Variants in LDLRAD3 observed in about 807,000 individuals in gnomAD.
The protein encoded by LDLRAD3 is low density lipoprotein receptor class A domain containing 3, also known as low-density lipoprotein receptor class A domain-containing protein 3.
In LDLRAD3, 20 loss-of-function variants were observed where a neutral mutation model predicts 29.4. That is an observed-to-expected ratio of 0.68 (90% confidence interval 0.48 to 0.99). The LOEUF (loss-of-function observed/expected upper bound fraction) is 0.99, where lower values mean the gene tolerates loss of function less well. LDLRAD3 is among the 50% of genes least tolerant of loss of function. LDLRAD3 has a pLI of 0.00. For synonymous variants in LDLRAD3, 157 were observed against 192.7 expected, an observed-to-expected ratio of 0.81 and a Z score of 1.53; for missense variants, 420 against 454.3, an observed-to-expected ratio of 0.92 and a Z score of 0.69.
rs558335027 is a variant in LDLRAD3 at position 35,945,537 on chromosome 11, T to A, written c.46+1393T>A. ...TAAATTAGTCCACCTGGGGAGAGAG[T>A]TCTCACAGGACATTGGGCAGCCAGG... On this transcript the variant is annotated intron_variant, in intron 1 of 5. Transcript: ENST00000315571. Among the ~76,000 whole-genome samples, 10 of 152,028 alleles carry A rather than the reference T, an allele frequency of 6.6e-5. No individual in the cohort carries two copies. In the South Asian group the frequency reaches 2.1e-3, roughly 32 times the overall value.
chr11:36,157,101 TAAGGGC>T (rs1389668678), intron 4 of LDLRAD3, among the ~76,000 whole-genome samples: 2 of 152,160 alleles, frequency 1.3e-5, no homozygotes, highest in African/African-American at 4.8e-5. Context: ...ACAATTCTAT[TAAGGGC>T]AATCTTTTGG....
intron 1 of LDLRAD3, among the ~76,000 whole-genome samples, chr11:36,029,193 C>T (rs140316901): frequency 2.0e-5 from 3 of 152,204 alleles, no homozygotes; most frequent in Middle Eastern, 3.4e-3. Flanking sequence ...TGCAGTGAGC[C>T]GAGATCGTGT....
chr11:36,036,604 C>T (rs1208561396), intron 2 of LDLRAD3, among the ~76,000 whole-genome samples: 5 of 152,122 alleles, frequency 3.3e-5, no homozygotes, highest in Admixed American at 3.3e-4. Flanking sequence ...GCAAGTGGCA[C>T]ATTGGACTTG....
intron 1 of LDLRAD3, among the ~76,000 whole-genome samples, chr11:35,957,813 AAAG>A (rs1332571377): frequency 0.015 from 2,127 of 138,462 alleles, 29 homozygotes; most frequent in East Asian, 0.025. Flanking sequence ...AAAAAAAAAA[AAAG>A]AAAAGAAAAG....
chr11:35,991,635 A>G (rs1295080100), intron 1 of LDLRAD3, among the ~76,000 whole-genome samples: 1 of 152,178 alleles, frequency 6.6e-6, no homozygotes, highest in Non-Finnish European at 1.5e-5. Flanking sequence ...CTGAAGTAGA[A>G]AATAGAAAAG....
At chr11:35,960,872 G>C (rs1851268612) in intron 1 of LDLRAD3, among the ~76,000 whole-genome samples, 1 of 152,218 alleles carries the variant, frequency 6.6e-6, no homozygotes, top group Non-Finnish European at 1.5e-5. Flanking sequence ...GGGATTACAG[G>C]CGTGAGCCAC....
intron 1 of LDLRAD3, among the ~76,000 whole-genome samples, chr11:36,014,908 C>T (rs1014060760): frequency 2.0e-5 from 3 of 152,118 alleles, no homozygotes; most frequent in Non-Finnish European, 4.4e-5. Context: ...AAGGGGGGAG[C>T]CCCCAGACGA....
chr11:36,166,239 G>T (rs978319485), intron 4 of LDLRAD3, among the ~76,000 whole-genome samples: 5 of 152,128 alleles, frequency 3.3e-5, no homozygotes, highest in Admixed American at 3.3e-4. Flanking sequence ...CATACATATG[G>T]ATCTGGAAAT....
intron 4 of LDLRAD3, among the ~76,000 whole-genome samples, chr11:36,136,913 A>T (rs980586770): frequency 1.3e-5 from 2 of 151,546 alleles, no homozygotes; most frequent in African/African-American, 4.9e-5. Context: ...TGGGTCTCAA[A>T]CTCCTGGCCT....
chr11:35,965,060 A>G (rs7104707), intron 1 of LDLRAD3, among the ~76,000 whole-genome samples: 1,907 of 152,092 alleles, frequency 0.013, 39 homozygotes, highest in African/African-American at 0.041. Flanking sequence ...GAAACTGATT[A>G]GTATAATAAA....
intron 1 of LDLRAD3, among the ~76,000 whole-genome samples, chr11:35,948,672 T>C (rs1463266143): frequency 1.3e-5 from 2 of 152,136 alleles, no homozygotes; most frequent in Non-Finnish European, 2.9e-5. Flanking sequence ...TATGACAGAG[T>C]AACTGCTTGG....
chr11:36,024,944 T>C (rs1403759080), intron 1 of LDLRAD3, among the ~76,000 whole-genome samples: 1 of 152,256 alleles, frequency 6.6e-6, no homozygotes, highest in Non-Finnish European at 1.5e-5. Context: ...TTTCTGTTTT[T>C]GGAATGTCAT....
chr11:36,100,833 G>T (rs1848908378), intron 4 of LDLRAD3, among the ~76,000 whole-genome samples: 1 of 152,216 alleles, frequency 6.6e-6, no homozygotes, highest in Non-Finnish European at 1.5e-5. Flanking sequence ...AGATGTGGAG[G>T]TTAGGCCTGT....
chr11:36,163,493 T>C (rs1343773604), intron 4 of LDLRAD3: 2 of 152,192 alleles, frequency 1.3e-5, no homozygotes, highest in Non-Finnish European at 2.9e-5. Flanking sequence ...AAGTGCCCAG[T>C]GTAGGTAAAT....
intron 4 of LDLRAD3, among the ~76,000 whole-genome samples, chr11:36,172,260 A>T (rs1854608573): frequency 6.6e-6 from 1 of 152,132 alleles, no homozygotes; most frequent in Admixed American, 6.6e-5. Flanking sequence ...TAGGTATATG[A>T]TCATATCATA....
intron 2 of LDLRAD3, among the ~76,000 whole-genome samples, chr11:36,038,699 C>G (rs1443002853): frequency 6.6e-6 from 1 of 152,168 alleles, no homozygotes; most frequent in Non-Finnish European, 1.5e-5. Context: ...TTGGAACAGG[C>G]TCATTCTTGG....
intron 4 of LDLRAD3, among the ~76,000 whole-genome samples, chr11:36,218,975 G>A (rs1565312524): frequency 1.3e-5 from 2 of 152,270 alleles, no homozygotes; most frequent in Non-Finnish European, 2.9e-5. Context: ...AAAAGTACGT[G>A]TGTGTACAAG....
chr11:36,086,923 G>C, intron 3 of LDLRAD3, among the ~76,000 whole-genome samples: 1 of 152,132 alleles, frequency 6.6e-6, no homozygotes, highest in East Asian at 1.9e-4. Flanking sequence ...AAAGACAGTC[G>C]TCTGATGCAG....
At chr11:36,207,308 C>T (rs1236029677) in intron 4 of LDLRAD3, among the ~76,000 whole-genome samples, 2 of 152,234 alleles carry the variant, frequency 1.3e-5, no homozygotes, top group African/African-American at 2.4e-5. Context: ...TAAGATGGAA[C>T]GGAAACCACA....
Sources: allele counts gnomAD v4.1 joint callset (sites outside exome capture counted in the v4.1 genomes callset), GRCh38; gene constraint gnomAD v4.1.1; transcripts MANE v1.5; gene names NCBI Gene and HGNC (gene_info 2026-07-23, HGNC 2026-07-21).